MACROD2: variants seen among roughly 807,000 people sequenced by gnomAD.
The protein encoded by MACROD2 is ADP-ribose glycohydrolase MACROD2.
Under a neutral mutation model 70.4 loss-of-function variants are expected in MACROD2, and 36 were observed. The ratio of observed to expected loss-of-function variants is 0.51; its 90% CI spans 0.39 to 0.68. The LOEUF is 0.68. Among genes scored for constraint, MACROD2 ranks in the 30% least tolerant of loss-of-function variants. The pLI is 0.00. For synonymous variants in MACROD2, 172 were observed against 178.8 expected (o/e 0.96, Z 0.30); for missense variants, 496 against 538.4 (o/e 0.92, Z 0.78).
intron 6 of MACROD2, among the ~76,000 whole-genome samples, chr20:15,323,399 G>C (rs1335522313): frequency 6.6e-6 from 1 of 152,100 alleles, no homozygotes; most frequent in Non-Finnish European, 1.5e-5. Context: ...AAAATGGTCA[G>C]AAACTTTTCA....
At chr20:16,035,139 TATATTATATATAAA>T (rs1351344074) in intron 15 of MACROD2, among the ~76,000 whole-genome samples, 4 of 99,044 alleles carry the variant, frequency 4.0e-5, no homozygotes, top group Non-Finnish European at 6.1e-5. Flanking sequence ...TTATATATTA[TATATTATATATAAA>T]ATATAATATA....
At chr20:15,906,597 C>CAA (rs199506898) in intron 10 of MACROD2, among the ~76,000 whole-genome samples, 20 of 140,568 alleles carry the variant, frequency 1.4e-4, no homozygotes, top group East Asian at 1.0e-3. Context: ...CTCCTTGTAA[C>CAA]AAAAAAAAAA....
At chr20:15,080,292 A>G (rs1465389267) in intron 5 of MACROD2, among the ~76,000 whole-genome samples, 1 of 152,146 alleles carries the variant, frequency 6.6e-6, no homozygotes, top group Non-Finnish European at 1.5e-5. Flanking sequence ...AGTCTACTGC[A>G]AAACACACTT....
At chr20:14,366,921 T>C (rs1357374351) in intron 3 of MACROD2, among the ~76,000 whole-genome samples, 1 of 152,218 alleles carries the variant, frequency 6.6e-6, no homozygotes, top group Admixed American at 6.5e-5. Context: ...TAGGAAAGGC[T>C]TGCTTCTGCC....
Position 14,241,600 on chromosome 20 carries a change from G to A in MACROD2, c.271+155872G>A, listed in dbSNP as rs140707156. ...ATTGTAACCATGGCCACCACCTTTA[G>A]TAAAGGTACATGGTGATATGAGTGC... On this transcript the variant is annotated intron_variant, in intron 3 of 17. Transcript: ENST00000684519. 1.6e-3 allele frequency among the ~76,000 whole-genome samples: 237 copies of A among 152,142 alleles called. 1 individual carries two copies. Among genetic ancestry groups the A allele is most frequent in the African/African-American group, 5.6e-3 (233 of 41,518 alleles).
intron 9 of MACROD2, among the ~76,000 whole-genome samples, chr20:15,878,298 A>G (rs996019404): frequency 2.0e-5 from 3 of 152,144 alleles, no homozygotes; most frequent in African/African-American, 7.2e-5. Context: ...GAAATATTGG[A>G]CATCTACTCT....
At chr20:14,744,374 T>C (rs1367428305) in intron 5 of MACROD2, among the ~76,000 whole-genome samples, 1 of 152,184 alleles carries the variant, frequency 6.6e-6, no homozygotes, top group Non-Finnish European at 1.5e-5. Flanking sequence ...GTACAACATA[T>C]TGTTTGGAAG....
intron 5 of MACROD2, among the ~76,000 whole-genome samples, chr20:15,016,264 T>C (rs1236660773): frequency 1.3e-5 from 2 of 152,130 alleles, no homozygotes; most frequent in Non-Finnish European, 2.9e-5. Flanking sequence ...ATGTTATGGG[T>C]GGAGGACAGC....
At chr20:15,577,612 C>T (rs912820484) in intron 8 of MACROD2, among the ~76,000 whole-genome samples, 1 of 151,900 alleles carries the variant, frequency 6.6e-6, no homozygotes, top group Admixed American at 6.6e-5. Flanking sequence ...CTTTCTTCTC[C>T]GTGCGTGCGT....
intron 3 of MACROD2, among the ~76,000 whole-genome samples, chr20:14,207,188 C>T (rs2081531094): frequency 6.6e-6 from 1 of 152,018 alleles, no homozygotes; most frequent in Non-Finnish European, 1.5e-5. Context: ...ACCTCTGCCT[C>T]CCAGGTTCAA....
chr20:14,403,036 C>A (rs1157507974), intron 3 of MACROD2, among the ~76,000 whole-genome samples: 1 of 151,948 alleles, frequency 6.6e-6, no homozygotes, highest in African/African-American at 2.4e-5. Flanking sequence ...GATATTATTT[C>A]CTTGTCTTAT....
intron 5 of MACROD2, among the ~76,000 whole-genome samples, chr20:15,011,634 G>A (rs1025787389): frequency 4.6e-5 from 7 of 152,130 alleles, no homozygotes; most frequent in Admixed American, 2.0e-4. Context: ...TACTCATCGA[G>A]TCGGTACCTG....
chr20:15,209,110 TGGTGG>T (rs1273475364), intron 5 of MACROD2, among the ~76,000 whole-genome samples: 2 of 142,958 alleles, frequency 1.4e-5, no homozygotes, highest in African/African-American at 2.7e-5. Context: ...GTGGTGGTGG[TGGTGG>T]TATTTATTTA....
intron 5 of MACROD2, among the ~76,000 whole-genome samples, chr20:15,036,594 T>G (rs4814329): frequency 0.18 from 26,673 of 152,146 alleles, 2,944 homozygotes; most frequent in East Asian, 0.33. Context: ...ATGGGTACTT[T>G]AGGGTTTCCA....
intron 2 of MACROD2, among the ~76,000 whole-genome samples, chr20:14,059,901 T>C (rs919764633): frequency 6.6e-6 from 1 of 152,186 alleles, no homozygotes; most frequent in African/African-American, 2.4e-5. Context: ...AGGTGACATT[T>C]GAATTAGTAA....
At chr20:14,619,836 C>T (rs539656989) in intron 4 of MACROD2, among the ~76,000 whole-genome samples, 5 of 152,136 alleles carry the variant, frequency 3.3e-5, no homozygotes, top group Non-Finnish European at 7.4e-5. Flanking sequence ...CTTGTTCGTG[C>T]TATGATTCCA....
At chr20:15,712,227 G>A (rs1286707819) in intron 8 of MACROD2, among the ~76,000 whole-genome samples, 1 of 152,192 alleles carries the variant, frequency 6.6e-6, no homozygotes, top group East Asian at 1.9e-4. Context: ...TTTGTGGGTT[G>A]TACTGCGTCT....
chr20:15,227,494 A>T (rs1444113874), intron 5 of MACROD2, among the ~76,000 whole-genome samples: 2 of 152,088 alleles, frequency 1.3e-5, no homozygotes, highest in African/African-American at 4.8e-5. Context: ...TCCACAAAAT[A>T]AGAGAACCAT....
At chr20:14,214,188 C>T (rs190784630) in intron 3 of MACROD2, among the ~76,000 whole-genome samples, 21 of 152,248 alleles carry the variant, frequency 1.4e-4, no homozygotes, top group African/African-American at 4.1e-4. Context: ...GACTATCCTA[C>T]GCTTTGAGAA....
Sources: allele counts gnomAD v4.1 joint callset (sites outside exome capture counted in the v4.1 genomes callset), GRCh38; gene constraint gnomAD v4.1.1; transcripts MANE v1.5; gene names NCBI Gene and HGNC (gene_info 2026-07-23, HGNC 2026-07-21).